The following ADGRB3 variants were observed in gnomAD, a reference collection of about 807,000 sequenced individuals.
The protein encoded by ADGRB3 is adhesion G protein-coupled receptor B3.
A neutral mutation model predicts 193.4 loss-of-function variants in ADGRB3; 37 were observed. The ratio of observed to expected loss-of-function variants is 0.19; its 90% CI spans 0.15 to 0.25. The LOEUF (loss-of-function observed/expected upper bound fraction) is 0.25. Ranked by LOEUF, ADGRB3 falls within the 10% of genes least tolerant of loss-of-function variation. The probability of loss-of-function intolerance (pLI) is 1.00; values close to 1 mark genes in which losing one functional copy is unlikely to be tolerated. For synonymous variants in ADGRB3, 690 were observed against 644.2 expected, an observed-to-expected ratio of 1.07 and a Z score of -1.08; for missense variants, 1,637 against 1,852.9, an observed-to-expected ratio of 0.88 and a Z score of 2.14.
intron 13 of ADGRB3, among the ~76,000 whole-genome samples, chr6:69,045,335 G>C (rs1224214899): frequency 6.6e-6 from 1 of 152,112 alleles, no homozygotes; most frequent in African/African-American, 2.4e-5. Flanking sequence ...CCTATCTAGC[G>C]TAGAGGTAAA....
chr6:68,828,097 T>G (rs138848290), intron 3 of ADGRB3, among the ~76,000 whole-genome samples: 22 of 152,300 alleles, frequency 1.4e-4, no homozygotes, highest in African/African-American at 4.8e-4. Context: ...ATTCATTGTT[T>G]TATGAATTGA....
intron 3 of ADGRB3, among the ~76,000 whole-genome samples, chr6:68,765,860 G>C (rs1766498900): frequency 6.6e-6 from 1 of 151,808 alleles, no homozygotes; most frequent in Non-Finnish European, 1.5e-5. Flanking sequence ...CCCGGACTAG[G>C]TAACTGTTTT....
chr6:68,955,873 A>G (rs867844677), intron 6 of ADGRB3, 151 bp from the exon 7 acceptor site: 8 of 650,716 alleles, frequency 1.2e-5, no homozygotes, highest in South Asian at 4.8e-5. Context: ...TGGGGAGTTA[A>G]TAAAATCTCA....
chr6:69,313,006 T>C (rs903234808), intron 20 of ADGRB3, among the ~76,000 whole-genome samples: 1 of 151,858 alleles, frequency 6.6e-6, no homozygotes, highest in African/African-American at 2.4e-5. Flanking sequence ...ATTGTAGGTA[T>C]TTTTCATTCC....
At chr6:68,903,521 T>G (rs1766456654) in intron 3 of ADGRB3, among the ~76,000 whole-genome samples, 1 of 152,156 alleles carries the variant, frequency 6.6e-6, no homozygotes, top group Non-Finnish European at 1.5e-5. Context: ...ATCAGAATTT[T>G]TTAAATATAA....
intron 10 of ADGRB3, among the ~76,000 whole-genome samples, chr6:68,991,677 C>T (rs771990394): frequency 2.0e-5 from 3 of 151,880 alleles, no homozygotes; most frequent in Non-Finnish European, 2.9e-5. Flanking sequence ...TGGCGGGGAA[C>T]GGGGAAGAAC....
At chr6:68,797,169 C>G (rs1767225481) in intron 3 of ADGRB3, among the ~76,000 whole-genome samples, 1 of 152,088 alleles carries the variant, frequency 6.6e-6, no homozygotes, top group Admixed American at 6.6e-5. Flanking sequence ...CTTTAAGTAC[C>G]TTGCGTGGGT....
At chr6:68,891,030 T>G (rs1336567916) in intron 3 of ADGRB3, among the ~76,000 whole-genome samples, 1 of 152,172 alleles carries the variant, frequency 6.6e-6, no homozygotes, top group African/African-American at 2.4e-5. Context: ...AGAAGTTTAG[T>G]GGACTTACAG....
At chr6:69,193,856 A>G (rs1765246784) in intron 17 of ADGRB3, among the ~76,000 whole-genome samples, 1 of 151,918 alleles carries the variant, frequency 6.6e-6, no homozygotes, top group African/African-American at 2.4e-5. Flanking sequence ...GACTTGAACC[A>G]TGAAAACCCA....
intron 11 of ADGRB3, 87 bp downstream of exon 11, chr6:68,994,049 G>A: frequency 7.7e-7 from 1 of 1,296,990 alleles, no homozygotes; most frequent in Non-Finnish European, 1.1e-6. Flanking sequence ...CGTCTTGGAG[G>A]CGGACTGGAG....
At chr6:69,349,577 GA>G (rs1415820189) in intron 26 of ADGRB3, among the ~76,000 whole-genome samples, 1 of 152,038 alleles carries the variant, frequency 6.6e-6, no homozygotes, top group African/African-American at 2.4e-5. Context: ...ATATGAAATT[GA>G]AAAGTCTTTC....
At chr6:69,323,408 T>C (rs1768504456) in intron 20 of ADGRB3, among the ~76,000 whole-genome samples, 1 of 151,904 alleles carries the variant, frequency 6.6e-6, no homozygotes, top group South Asian at 2.1e-4. Flanking sequence ...AAAATAAAAG[T>C]CTTAATGTGT....
intron 17 of ADGRB3, among the ~76,000 whole-genome samples, chr6:69,123,712 C>T (rs1448796752): frequency 6.6e-6 from 1 of 151,894 alleles, no homozygotes; most frequent in Non-Finnish European, 1.5e-5. Context: ...AGTAGGGGAG[C>T]GAATCATATA....
intron 3 of ADGRB3, among the ~76,000 whole-genome samples, chr6:68,853,815 T>A (rs1270471159): frequency 6.6e-6 from 1 of 152,198 alleles, no homozygotes; most frequent in Non-Finnish European, 1.5e-5. Flanking sequence ...GTTTACAATT[T>A]ATTAGAAAGT....
chr6:68,972,037 G>A (rs28729151), intron 8 of ADGRB3, among the ~76,000 whole-genome samples: 9,814 of 152,224 alleles, frequency 0.064, 956 homozygotes, highest in African/African-American at 0.21. Flanking sequence ...AGGCAGTGAA[G>A]TAGCTCTGGC....
At chr6:69,214,830 TAAAAG>T (rs1034093578) in intron 17 of ADGRB3, among the ~76,000 whole-genome samples, 6 of 151,826 alleles carry the variant, frequency 4.0e-5, no homozygotes, top group African/African-American at 1.5e-4. Context: ...CTCAAATTCT[TAAAAG>T]AAAATACATC....
intron 3 of ADGRB3, among the ~76,000 whole-genome samples, chr6:68,653,171 A>T (rs1182939336): frequency 6.6e-6 from 1 of 152,154 alleles, no homozygotes; most frequent in East Asian, 1.9e-4. Flanking sequence ...CTCCTCTCTC[A>T]GCTGAGTTCT....
intron 3 of ADGRB3, among the ~76,000 whole-genome samples, chr6:68,732,986 G>T (rs894249940): frequency 1.3e-5 from 2 of 151,718 alleles, no homozygotes; most frequent in Non-Finnish European, 2.9e-5. Context: ...TCATGATGAT[G>T]CTGTTGACTT....
chr6:69,293,894 T>C (rs1475051647), intron 20 of ADGRB3, among the ~76,000 whole-genome samples: 1 of 151,842 alleles, frequency 6.6e-6, no homozygotes, highest in African/African-American at 2.4e-5. Flanking sequence ...GGAAAGAACA[T>C]AGACAGGAAG....
Sources: gnomAD v4.1 joint callset for allele counts (sites outside exome capture counted in the v4.1 genomes callset) on GRCh38, gnomAD v4.1.1 for gene constraint, MANE v1.5 for transcripts, NCBI Gene and HGNC (gene_info 2026-07-23, HGNC 2026-07-21) for gene names.